The following TMEM196 variants were observed in gnomAD, a reference collection of about 807,000 sequenced individuals.
TMEM196 encodes the protein transmembrane protein 196.
A neutral mutation model predicts 20.0 loss-of-function variants in TMEM196; 17 were observed. The observed-to-expected ratio is 0.85, with a 90% CI of 0.58 to 1.27. TMEM196 has a LOEUF of 1.27. Among genes scored for constraint, TMEM196 ranks in the 50% most tolerant of loss-of-function variants. TMEM196 has a pLI of 0.00. For missense variants in TMEM196, 267 were observed against 223.0 expected, an observed-to-expected ratio of 1.20 and a Z score of -1.26; for synonymous variants, 113 against 88.9, an observed-to-expected ratio of 1.27 and a Z score of -1.52.
chr7:19,756,862 G>A (rs1364949486), intron 1 of TMEM196, among the ~76,000 whole-genome samples: 1 of 151,888 alleles, frequency 6.6e-6, no homozygotes, highest in East Asian at 1.9e-4. Flanking sequence ...GGGCAATTAG[G>A]TTAATTCCAT....
intron 1 of TMEM196, among the ~76,000 whole-genome samples, chr7:19,751,547 A>G (rs1784960184): frequency 6.6e-6 from 1 of 152,214 alleles, no homozygotes. Context: ...GGTAAAATGG[A>G]TGTACTCCTG....
chr7:19,764,806 T>A (rs1264035894), intron 1 of TMEM196, among the ~76,000 whole-genome samples: 1 of 152,158 alleles, frequency 6.6e-6, no homozygotes, highest in East Asian at 1.9e-4. Context: ...ATTGATTGAC[T>A]GTGCTAGTCT....
At chr7:19,731,108 A>G (rs909985274) in intron 1 of TMEM196, among the ~76,000 whole-genome samples, 10 of 152,192 alleles carry the variant, frequency 6.6e-5, no homozygotes, top group African/African-American at 2.2e-4. Flanking sequence ...GAAAGTATTT[A>G]TTAATAGAAA....
rs1209019257 is a variant in TMEM196, at chr7:19,720,861, T to G, written c.*1267A>C. On this transcript the variant is annotated 3_prime_UTR_variant, in exon 5 of 5. Transcript: ENST00000405844. ...TACAGCAAAGGTAATTATAACTTCA[T>G]TGTTGGGGGGTTACATCATCTGCCC... is the stretch of plus-strand genomic sequence containing the variant. The G allele has an allele frequency of 6.6e-6, 1 of 151,892 alleles. No homozygotes were observed. Among genetic ancestry groups the G allele is most frequent in the Non-Finnish European group, 1.5e-5 (1 of 67,804 alleles). 9.4% of individuals were successfully genotyped at this position (151,892 alleles called of 1,614,324 possible).
chr7:19,741,082 C>A (rs1784569143), intron 1 of TMEM196, among the ~76,000 whole-genome samples: 1 of 152,092 alleles, frequency 6.6e-6, no homozygotes, highest in Non-Finnish European at 1.5e-5. Context: ...AGTCTCTCGA[C>A]CCTCTAGAAA....
intron 2 of TMEM196, among the ~76,000 whole-genome samples, chr7:19,726,890 T>C (rs1437134458): frequency 6.6e-6 from 1 of 152,188 alleles, no homozygotes; most frequent in Non-Finnish European, 1.5e-5. Flanking sequence ...GTCACCTCTC[T>C]TGTCCTTCAA....
At chr7:19,771,336 T>G (rs919483409) in intron 1 of TMEM196, among the ~76,000 whole-genome samples, 1 of 152,202 alleles carries the variant, frequency 6.6e-6, no homozygotes, top group Non-Finnish European at 1.5e-5. Flanking sequence ...GATTGAACAC[T>G]ATTTTTCTTT....
At chr7:19,728,206 CT>C (rs1784067254) in intron 2 of TMEM196, among the ~76,000 whole-genome samples, 2 of 151,472 alleles carry the variant, frequency 1.3e-5, no homozygotes, top group Non-Finnish European at 2.9e-5. Flanking sequence ...TTCTCTCTCT[CT>C]TTTTTCTCTT....
At position 19,772,613 on chromosome 7, in the gene TMEM196, C is replaced by T. The variant is rs1186146083; in HGVS notation, c.84G>A (p.Val28=). ...GGGCCAGGCTGAAGCTGACCGCCCC[C>T]ACGGCCACGCTGGACACCCCCAGCC... ...EIGLGVSSVA[V]GAVSFSLALR... is the part of the protein sequence containing the mutation. The change falls in exon 1 of 5, where the codon GTG becomes GTA. Residue 28 remains valine (V), a synonymous_variant. Coordinates refer to ENST00000405844, the MANE Select transcript of TMEM196 (RefSeq NM_001363562.2). 1.3e-6 allele frequency: 2 copies of T among 1,547,456 alleles called. No individual in the cohort carries two copies. The highest frequency in any genetic ancestry group is 2.7e-5 in the African/African-American group (2 of 72,990).
chr7:19,748,045 T>C (rs556303313), intron 1 of TMEM196, among the ~76,000 whole-genome samples: 7 of 152,206 alleles, frequency 4.6e-5, no homozygotes, highest in Admixed American at 2.6e-4. Context: ...TAATTAATTT[T>C]TCCATGTAAT....
chr7:19,729,478 A>G (rs1181414320), intron 1 of TMEM196, 40 bp from the exon 2 acceptor site: 2 of 1,534,190 alleles, frequency 1.3e-6, no homozygotes, highest in African/African-American at 1.4e-5. Context: ...TTATCCAAAG[A>G]CACGAGGACC....
chr7:19,744,016 G>T (rs1450321335), intron 1 of TMEM196, among the ~76,000 whole-genome samples: 3 of 152,092 alleles, frequency 2.0e-5, no homozygotes, highest in Admixed American at 6.6e-5. Flanking sequence ...AGGTTTTTAA[G>T]GACTAGATTG....
intron 1 of TMEM196, among the ~76,000 whole-genome samples, chr7:19,736,966 A>T (rs547766018): frequency 5.9e-5 from 9 of 152,128 alleles, no homozygotes; most frequent in African/African-American, 2.2e-4. Context: ...AACTAGACCT[A>T]GAATTTGGCA....
chr7:19,759,689 A>C (rs1785359022), intron 1 of TMEM196, among the ~76,000 whole-genome samples: 1 of 151,842 alleles, frequency 6.6e-6, no homozygotes, highest in African/African-American at 2.4e-5. Flanking sequence ...GTTTTTTTCT[A>C]ATTATCTACT....
intron 1 of TMEM196, among the ~76,000 whole-genome samples, chr7:19,766,418 T>C (rs981184640): frequency 3.3e-5 from 5 of 151,958 alleles, no homozygotes; most frequent in African/African-American, 1.2e-4. Flanking sequence ...AAAATTTCTC[T>C]AGATTACTAA....
At chr7:19,740,161 T>G (rs150618972) in intron 1 of TMEM196, among the ~76,000 whole-genome samples, 2 of 152,198 alleles carry the variant, frequency 1.3e-5, no homozygotes, top group South Asian at 4.1e-4. Flanking sequence ...ATTCTTTGCA[T>G]CTATTAAAAA....
chr7:19,770,714 A>C (rs547005965), intron 1 of TMEM196, among the ~76,000 whole-genome samples: 1 of 152,210 alleles, frequency 6.6e-6, no homozygotes, highest in East Asian at 1.9e-4. Context: ...TATAGTGACT[A>C]TGTAGATATG....
At chr7:19,765,974 G>C (rs1279689046) in intron 1 of TMEM196, among the ~76,000 whole-genome samples, 1 of 152,114 alleles carries the variant, frequency 6.6e-6, no homozygotes, top group East Asian at 1.9e-4. Context: ...GAGGCAAGGA[G>C]CAGCACAGGC....
chr7:19,740,311 A>G (rs985127441), intron 1 of TMEM196, among the ~76,000 whole-genome samples: 1 of 152,166 alleles, frequency 6.6e-6, no homozygotes, highest in African/African-American at 2.4e-5. Context: ...TTATCTATAT[A>G]CAAGTTTGCT....
Sources: gnomAD v4.1 joint callset for allele counts (sites outside exome capture counted in the v4.1 genomes callset) on GRCh38, gnomAD v4.1.1 for gene constraint, MANE v1.5 for transcripts, NCBI Gene and HGNC (gene_info 2026-07-23, HGNC 2026-07-21) for gene names.